SERPINI1: variants seen among roughly 807,000 people sequenced by gnomAD.
The protein encoded by SERPINI1 is serpin family I member 1, also known as neuroserpin.
In SERPINI1, 19 loss-of-function variants were observed where a neutral mutation model predicts 41.1. That is an observed-to-expected ratio of 0.46 (90% CI 0.32 to 0.68). The LOEUF is 0.68. Among genes scored for constraint, SERPINI1 ranks in the 30% least tolerant of loss-of-function variants. The pLI is 0.03. For synonymous variants in SERPINI1, 138 were observed against 156.6 expected, an observed-to-expected ratio of 0.88 and a Z score of 0.89; for missense variants, 460 against 479.2, an observed-to-expected ratio of 0.96 and a Z score of 0.37.
chr3:167,770,015 A>G (rs1156326757), intron 1 of SERPINI1, among the ~76,000 whole-genome samples: 1 of 140,020 alleles, frequency 7.1e-6, no homozygotes, highest in Non-Finnish European at 1.5e-5. Flanking sequence ...TTATTTTAAC[A>G]TAGGCATGTT....
chr3:167,752,225 T>A (rs1201004461), intron 1 of SERPINI1, among the ~76,000 whole-genome samples: 2 of 150,830 alleles, frequency 1.3e-5, no homozygotes, highest in African/African-American at 4.9e-5. Context: ...CTCCTAAATG[T>A]ATCTCTAACC....
intron 5 of SERPINI1, among the ~76,000 whole-genome samples, chr3:167,800,878 C>G (rs994635384): frequency 6.6e-6 from 1 of 152,186 alleles, no homozygotes; most frequent in African/African-American, 2.4e-5. Context: ...ATGGTCTTGG[C>G]TCTGCAAGAG....
chr3:167,770,702 C>G (rs1726720447), intron 1 of SERPINI1, among the ~76,000 whole-genome samples: 2 of 152,144 alleles, frequency 1.3e-5, no homozygotes, highest in African/African-American at 4.8e-5. Context: ...TCTTTTTCCA[C>G]AATTGTCTCA....
intron 1 of SERPINI1, among the ~76,000 whole-genome samples, chr3:167,751,635 C>T (rs906436792): frequency 2.6e-5 from 4 of 152,056 alleles, no homozygotes; most frequent in Admixed American, 2.0e-4. Context: ...TTGAGGTTAT[C>T]GACACAAATG....
At position 167,798,574 on chromosome 3, in the gene SERPINI1, CAA is replaced by C. The variant is rs200891002; in HGVS notation, c.881+3751_881+3752del. Among the ~76,000 whole-genome samples the C allele has an allele frequency of 8.7e-3, 1,325 of 152,184 alleles. 22 individuals carry two copies. The highest frequency in any genetic ancestry group is 0.03 in the African/African-American group (1,250 of 41,528). On this transcript the variant is annotated intron_variant, in intron 5 of 8. Coordinates refer to ENST00000446050, the MANE Select transcript of SERPINI1 (RefSeq NM_001122752.2). ...TTCATAGCTATACTCTGTGTTTACT[CAA>C]GTGTCAATTTTAATGGTTTGCATAG... is the stretch of plus-strand genomic sequence containing the variant.
intron 5 of SERPINI1, among the ~76,000 whole-genome samples, chr3:167,798,770 A>T (rs1366555192): frequency 6.6e-6 from 1 of 152,070 alleles, no homozygotes; most frequent in Non-Finnish European, 1.5e-5. Flanking sequence ...TCTCACTTAT[A>T]AGTGGGAGCT....
chr3:167,761,633 T>C (rs531232184), intron 1 of SERPINI1, among the ~76,000 whole-genome samples: 1 of 152,360 alleles, frequency 6.6e-6, no homozygotes, highest in East Asian at 1.9e-4. Flanking sequence ...ATACACTCAA[T>C]AATGTCTTCT....
chr3:167,823,621 C>T (rs1184889733), intron 7 of SERPINI1, among the ~76,000 whole-genome samples: 1 of 152,082 alleles, frequency 6.6e-6, no homozygotes, highest in Non-Finnish European at 1.5e-5. Flanking sequence ...TTCAATCATA[C>T]TTTTCCAGTT....
At position 167,779,585 on chromosome 3, in the gene SERPINI1, A is replaced by G. The variant is rs1358620221; in HGVS notation, c.-18-9526A>G. Among the ~76,000 whole-genome samples the G allele has an allele frequency of 5.9e-5, 9 of 152,224 alleles. No individual in the cohort carries two copies. The East Asian group carries it at 1.7e-3, about 29-fold the overall frequency. The stretch of plus-strand genomic sequence containing the variant: ...CAAAACCCATAGAGTCAGATAACCT[A>G]GAAATGTATGTTTTCGATAATACCT... On this transcript the variant is annotated intron_variant, in intron 1 of 8. Coordinates refer to ENST00000446050, the MANE Select transcript of SERPINI1 (RefSeq NM_001122752.2).
intron 1 of SERPINI1, among the ~76,000 whole-genome samples, chr3:167,777,738 A>T (rs1727004705): frequency 6.6e-6 from 1 of 152,208 alleles, no homozygotes; most frequent in South Asian, 2.1e-4. Context: ...ATATTCTCTT[A>T]GTTGTTTCCA....
chr3:167,742,483 T>G (rs1249831430), intron 1 of SERPINI1, among the ~76,000 whole-genome samples: 1 of 152,222 alleles, frequency 6.6e-6, no homozygotes, highest in African/African-American at 2.4e-5. Context: ...GATGCCTCTG[T>G]TGATCCAGAT....
chr3:167,825,184 A>C (rs1712475309), intron 8 of SERPINI1, 63 bp from the exon 9 acceptor site: 5 of 1,018,426 alleles, frequency 4.9e-6, no homozygotes, highest in Admixed American at 1.7e-5. Context: ...GTAAGCAAGA[A>C]GGAAGATAAA....
chr3:167,806,691 A>G (rs1318073997), intron 5 of SERPINI1, among the ~76,000 whole-genome samples: 1 of 152,108 alleles, frequency 6.6e-6, no homozygotes. Context: ...GAAATGCTAA[A>G]TGTATTTATT....
At chr3:167,750,522 G>T (rs542494268) in intron 1 of SERPINI1, among the ~76,000 whole-genome samples, 11 of 152,300 alleles carry the variant, frequency 7.2e-5, no homozygotes, top group African/African-American at 2.6e-4. Context: ...TGAAGAGAAA[G>T]TGAAAGGTTT....
chr3:167,776,769 A>G (rs1726981094), intron 1 of SERPINI1, among the ~76,000 whole-genome samples: 1 of 152,238 alleles, frequency 6.6e-6, no homozygotes, highest in Non-Finnish European at 1.5e-5. Flanking sequence ...CAAGAACTCA[A>G]TAGCCAAAAG....
At chr3:167,745,747 T>C (rs1725845274) in intron 1 of SERPINI1, among the ~76,000 whole-genome samples, 1 of 152,090 alleles carries the variant, frequency 6.6e-6, no homozygotes, top group Non-Finnish European at 1.5e-5. Flanking sequence ...AAGAAACTAA[T>C]TGTATTTTTA....
At chr3:167,795,211 G>A (rs997981771) in intron 5 of SERPINI1, among the ~76,000 whole-genome samples, 1 of 152,092 alleles carries the variant, frequency 6.6e-6, no homozygotes, top group Non-Finnish European at 1.5e-5. Context: ...ACTTAAGATT[G>A]ATTATGACTG....
In SERPINI1 at chr3:167,793,596, A is replaced by ATATATTTTTTTTTT; in HGVS notation, c.676+813_676+814insATATTTTTTTTTTT. Among the ~76,000 whole-genome samples the ATATATTTTTTTTTT allele has an allele frequency of 1.7e-4, 24 of 140,620 alleles. 1 individual carries two copies. In the East Asian group the frequency reaches 2.4e-3, roughly 14 times the overall value. 92.3% of individuals were successfully genotyped at this position (140,620 alleles called of 152,430 possible). On this transcript the variant is annotated intron_variant, in intron 4 of 8. Transcript: ENST00000446050. ...TACAAATATATATATATATATATAT[A>ATATATTTTTTTTTT]TTTTTAATTAGCTAGGCATAATGGT... is the stretch of plus-strand genomic sequence containing the variant.
intron 7 of SERPINI1, 86 bp downstream of exon 7, chr3:167,823,158 G>A: frequency 3.2e-6 from 3 of 949,268 alleles, no homozygotes; most frequent in Admixed American, 3.5e-5. Context: ...TTTTCAAAAT[G>A]AAGCCAAAAA....
Sources: gnomAD v4.1 joint callset for allele counts (sites outside exome capture counted in the v4.1 genomes callset) on GRCh38, gnomAD v4.1.1 for gene constraint, MANE v1.5 for transcripts, NCBI Gene and HGNC (gene_info 2026-07-23, HGNC 2026-07-21) for gene names.